The following CTNNA3 variants were observed in gnomAD, a reference collection of about 807,000 sequenced individuals.
CTNNA3 encodes the protein catenin alpha-3.
In CTNNA3, 76 loss-of-function variants were observed where a neutral mutation model predicts 95.7. That is an observed-to-expected ratio of 0.79 (90% confidence interval 0.66 to 0.96). The LOEUF (loss-of-function observed/expected upper bound fraction) is 0.96, where lower values mean the gene tolerates loss of function less well. CTNNA3 is among the 40% of genes least tolerant of loss of function. CTNNA3 has a pLI of 0.00. For synonymous variants in CTNNA3, 431 were observed against 374.4 expected (o/e 1.15, Z -1.74); for missense variants, 1,191 against 1,089.8 (o/e 1.09, Z -1.31).
intron 5 of CTNNA3, among the ~76,000 whole-genome samples, chr10:67,232,896 G>A (rs1159157159): frequency 6.6e-6 from 1 of 151,888 alleles, no homozygotes; most frequent in African/African-American, 2.4e-5. Context: ...AACCAACAAA[G>A]ATCAAAAGAG....
intron 7 of CTNNA3, among the ~76,000 whole-genome samples, chr10:66,977,434 CAAAA>C (rs11368044): frequency 6.9e-6 from 1 of 145,080 alleles, no homozygotes; most frequent in Non-Finnish European, 1.5e-5. Context: ...AACTCTGTCT[CAAAA>C]AAAAAAAAAA....
chr10:66,267,054 A>G (rs1382328440), intron 13 of CTNNA3, among the ~76,000 whole-genome samples: 1 of 152,054 alleles, frequency 6.6e-6, no homozygotes, highest in African/African-American at 2.4e-5. Context: ...ATTTTTAAAT[A>G]TTAGGCGGCT....
rs562988727 is a variant in CTNNA3 at position 66,286,987 on chromosome 10, A to T, written c.1733-6366T>A. The stretch of plus-strand genomic sequence containing the variant: ...TTGAGGGTACATATGATAACTTAAT[A>T]CCTTCATGTAATTTGAAATCAGATT... On this transcript the variant is annotated intron_variant, in intron 12 of 17. Transcript: ENST00000433211. 3.3e-5 allele frequency among the ~76,000 whole-genome samples: 5 copies of T among 152,198 alleles called. No individual in the cohort carries two copies. In the South Asian group the frequency reaches 1.0e-3, roughly 32 times the overall value.
chr10:66,169,592 C>A (rs983947480), intron 13 of CTNNA3, among the ~76,000 whole-genome samples: 16 of 152,148 alleles, frequency 1.1e-4, no homozygotes, highest in Admixed American at 3.9e-4. Flanking sequence ...CTTTAAGGAA[C>A]CTCCACACTG....
chr10:67,580,897 C>T (rs375594059), intron 3 of CTNNA3, among the ~76,000 whole-genome samples: 7,955 of 151,642 alleles, frequency 0.052, 163 homozygotes, highest in African/African-American at 0.091. Context: ...GTGATTTTTG[C>T]ACATTGATTT....
At chr10:66,728,843 C>T (rs1848862080) in intron 9 of CTNNA3, among the ~76,000 whole-genome samples, 2 of 152,148 alleles carry the variant, frequency 1.3e-5, no homozygotes, top group Non-Finnish European at 2.9e-5. Flanking sequence ...CCACCTGGGC[C>T]TCCCAAAATG....
chr10:67,182,954 GC>G (rs1210211807), intron 6 of CTNNA3, among the ~76,000 whole-genome samples: 15 of 152,140 alleles, frequency 9.9e-5, no homozygotes, highest in African/African-American at 3.6e-4. Flanking sequence ...ATCATCACTG[GC>G]CATCAGAGAA....
chr10:67,064,277 G>C (rs1391918057), intron 7 of CTNNA3, among the ~76,000 whole-genome samples: 1 of 152,070 alleles, frequency 6.6e-6, no homozygotes, highest in East Asian at 1.9e-4. Context: ...CTGTGTGTCT[G>C]AAGCTACACT....
intron 10 of CTNNA3, among the ~76,000 whole-genome samples, chr10:66,602,009 A>T (rs1165754444): frequency 1.3e-5 from 2 of 151,964 alleles, no homozygotes; most frequent in Non-Finnish European, 2.9e-5. Context: ...CAGTTATGAC[A>T]CATAAAATGA....
chr10:66,818,628 G>C (rs979134649), intron 7 of CTNNA3, among the ~76,000 whole-genome samples: 1 of 152,124 alleles, frequency 6.6e-6, no homozygotes, highest in African/African-American at 2.4e-5. Flanking sequence ...AAGACATTCT[G>C]GGGAATGGAT....
chr10:67,593,207 T>C (rs1217642544), intron 3 of CTNNA3, among the ~76,000 whole-genome samples: 1 of 152,208 alleles, frequency 6.6e-6, no homozygotes, highest in Non-Finnish European at 1.5e-5. Flanking sequence ...ATTTTCTTTA[T>C]CCAATCCACC....
At chr10:66,432,046 T>G (rs911209904) in intron 11 of CTNNA3, among the ~76,000 whole-genome samples, 4 of 152,126 alleles carry the variant, frequency 2.6e-5, no homozygotes, top group Non-Finnish European at 4.4e-5. Flanking sequence ...AAAGTTTGTG[T>G]TTTGATCTAG....
chr10:65,976,252 T>G (rs2078205839), intron 16 of CTNNA3, among the ~76,000 whole-genome samples: 1 of 152,180 alleles, frequency 6.6e-6, no homozygotes. Context: ...GATAATCTTA[T>G]TTGTCAATTA....
At chr10:67,316,534 A>G (rs1427029462) in intron 5 of CTNNA3, among the ~76,000 whole-genome samples, 2 of 152,186 alleles carry the variant, frequency 1.3e-5, no homozygotes, top group African/African-American at 4.8e-5. Flanking sequence ...TCAGAGGGAA[A>G]GACCTCAAGA....
intron 2 of CTNNA3, among the ~76,000 whole-genome samples, chr10:67,638,342 C>A (rs1839399143): frequency 6.6e-6 from 1 of 152,166 alleles, no homozygotes; most frequent in Non-Finnish European, 1.5e-5. Context: ...AATACAGGAG[C>A]ACCCAGATTC....
rs1263843340 is a variant in CTNNA3, at chr10:67,165,532, A to T, written c.1047+14785T>A. Among the ~76,000 whole-genome samples, 3 of 152,308 alleles carry T rather than the reference A, an allele frequency of 2.0e-5. No homozygotes were observed. The East Asian group carries it at 5.8e-4, about 29-fold the overall frequency. ...TCAATATGTCAATGTCCTTGTTTTG[A>T]TATCTTGCTATATAGTTACACATGA... On this transcript the variant is annotated intron_variant, in intron 7 of 17. Coordinates refer to ENST00000433211, the MANE Select transcript of CTNNA3 (RefSeq NM_013266.4).
chr10:66,082,452 T>C (rs978228364), intron 14 of CTNNA3, among the ~76,000 whole-genome samples: 1 of 152,038 alleles, frequency 6.6e-6, no homozygotes, highest in African/African-American at 2.4e-5. Context: ...TAAGGGAAGA[T>C]TCAGGAAATA....
intron 7 of CTNNA3, among the ~76,000 whole-genome samples, chr10:67,171,639 C>T (rs890450496): frequency 6.6e-6 from 1 of 151,626 alleles, no homozygotes; most frequent in Non-Finnish European, 1.5e-5. Flanking sequence ...GTAGTCCCAG[C>T]TATTCAGGAG....
At chr10:66,170,636 A>T (rs55932364) in intron 13 of CTNNA3, among the ~76,000 whole-genome samples, 25,903 of 151,664 alleles carry the variant, frequency 0.17, 4,056 homozygotes, top group African/African-American at 0.42. Context: ...GCTTTGAAGA[A>T]AAAAGGCACC....
Sources: gnomAD v4.1 joint callset for allele counts (sites outside exome capture counted in the v4.1 genomes callset) on GRCh38, gnomAD v4.1.1 for gene constraint, MANE v1.5 for transcripts, NCBI Gene and HGNC (gene_info 2026-07-23, HGNC 2026-07-21) for gene names.